UGT1A4: variants seen among roughly 807,000 people sequenced by gnomAD.
UGT1A4 encodes the protein UDP glucuronosyltransferase family 1 member A4, also known as UDP-glucuronosyltransferase 1A4.
A neutral mutation model predicts 41.1 loss-of-function variants in UGT1A4; 32 were observed. That is an observed-to-expected ratio of 0.78 (90% CI 0.59 to 1.05). UGT1A4 has a LOEUF of 1.05. UGT1A4 is among the 50% of genes least tolerant of loss of function. The pLI is 0.00. For missense variants in UGT1A4, 748 were observed against 677.4 expected (o/e 1.10, Z -1.16); for synonymous variants, 283 against 265.1 (o/e 1.07, Z -0.66).
At chr2:233,729,020 A>G in intron 1 of UGT1A4, 2 of 1,593,488 alleles carry the variant, frequency 1.3e-6, no homozygotes, top group Non-Finnish European at 8.6e-7. Flanking sequence ...TTCCAATTAC[A>G]CGTTGATTTG....
intron 1 of UGT1A4, chr2:233,760,113 A>G: frequency 2.4e-6 from 3 of 1,233,108 alleles, no homozygotes; most frequent in Non-Finnish European, 3.3e-6. Flanking sequence ...TAAGAAACCT[A>G]ATAAAGCTCC....
At chr2:233,739,473 G>A (rs1691116225) in intron 1 of UGT1A4, among the ~76,000 whole-genome samples, 1 of 152,214 alleles carries the variant, frequency 6.6e-6, no homozygotes, top group African/African-American at 2.4e-5. Flanking sequence ...CTGAGACCGT[G>A]GGAGCCCATT....
intron 1 of UGT1A4, among the ~76,000 whole-genome samples, chr2:233,757,319 C>T (rs999230342): frequency 1.7e-4 from 25 of 147,060 alleles, no homozygotes; most frequent in Non-Finnish European, 3.3e-4. Flanking sequence ...GGGGCTGGGG[C>T]CCTGAAATGG....
chr2:233,763,862 C>T (rs755965727), intron 1 of UGT1A4, among the ~76,000 whole-genome samples: 8 of 152,072 alleles, frequency 5.3e-5, no homozygotes, highest in South Asian at 2.1e-4. Context: ...CACAGACAAT[C>T]GCAATGCTGG....
At position 233,767,074 on chromosome 2, in the gene UGT1A4, T is replaced by C. The variant is rs747099261; in HGVS notation, c.908T>C (p.Ile303Thr). Residue 303 changes from isoleucine to threonine, a missense_variant, in exon 2 of 5, where the codon ATT becomes ACT. Transcript: ENST00000373409. The part of the protein sequence containing the change: ...AYINASGEHG[I>T]VVFSLGSMVS... ...ATTAATGCTTCTGGAGAACATGGAA[T>C]TGTGGTTTTCTCTTTGGGATCAATG... is the stretch of plus-strand genomic sequence containing the variant. 2.5e-6 allele frequency: 4 copies of C among 1,614,130 alleles called. No individual in the cohort carries two copies. The highest frequency in any genetic ancestry group is 1.1e-5 in the South Asian group (1 of 91,076).
chr2:233,770,570 A>G (rs1700111359), intron 4 of UGT1A4: 2 of 152,086 alleles, frequency 1.3e-5, no homozygotes. Context: ...AGGCAGGAAA[A>G]TCACTTGAAC....
intron 1 of UGT1A4, among the ~76,000 whole-genome samples, chr2:233,741,313 C>T (rs1377772642): frequency 1.3e-5 from 2 of 151,788 alleles, no homozygotes; most frequent in African/African-American, 4.9e-5. Flanking sequence ...TACACACCAA[C>T]TCATTCTACT....
intron 1 of UGT1A4, chr2:233,729,580 G>T (rs1173823141): frequency 2.5e-6 from 4 of 1,613,992 alleles, no homozygotes; most frequent in Non-Finnish European, 3.4e-6. Flanking sequence ...GGTTTTAACA[G>T]ACCCCGTTAA....
chr2:233,724,419 C>T (rs1157534469), intron 1 of UGT1A4, among the ~76,000 whole-genome samples: 13 of 129,206 alleles, frequency 1.0e-4, no homozygotes, highest in South Asian at 3.0e-4. Flanking sequence ...GGCTGCCGGG[C>T]GGAGAGGCTC....
At chr2:233,758,569 A>C (rs1696913404) in intron 1 of UGT1A4, among the ~76,000 whole-genome samples, 2 of 152,222 alleles carry the variant, frequency 1.3e-5, no homozygotes, top group Non-Finnish European at 2.9e-5. Context: ...TGGTCCTAAA[A>C]AATGAAGAGT....
chr2:233,737,111 A>G (rs1182220663), intron 1 of UGT1A4, among the ~76,000 whole-genome samples: 1 of 152,120 alleles, frequency 6.6e-6, no homozygotes. Context: ...TGTTCCCCAC[A>G]TGTTCAGAAG....
chr2:233,739,050 C>G (rs958760691), intron 1 of UGT1A4: 3 of 152,246 alleles, frequency 2.0e-5, no homozygotes, highest in African/African-American at 7.2e-5. Flanking sequence ...AGAGCTCAGG[C>G]CATTGCTTCA....
chr2:233,772,094 C>G (rs995748491), intron 4 of UGT1A4, among the ~76,000 whole-genome samples, 168 bp from the exon 5 acceptor site: 7 of 152,164 alleles, frequency 4.6e-5, no homozygotes, highest in Admixed American at 3.9e-4. Context: ...GCCCGGGCAA[C>G]AGGGCAAGAC....
At chr2:233,736,248 A>G (rs2078745941) in intron 1 of UGT1A4, among the ~76,000 whole-genome samples, 1 of 151,866 alleles carries the variant, frequency 6.6e-6, no homozygotes, top group Non-Finnish European at 1.5e-5. Context: ...TTCTCACTTT[A>G]TTTCATTAAT....
At chr2:233,747,700 A>T (rs538337941) in intron 1 of UGT1A4, 1 of 1,612,078 alleles carries the variant, frequency 6.2e-7, no homozygotes, top group African/African-American at 1.3e-5. Context: ...GTGCTGGCTA[A>T]GTACCTATCA....
In UGT1A4 at chr2:233,743,994, T is replaced by C. The variant is rs60469444; in HGVS notation, c.868-23040T>C. 7.2e-6 allele frequency: 9 copies of C among 1,253,056 alleles called. No individual in the cohort carries two copies. The East Asian group carries it at 2.0e-4, about 28-fold the overall frequency. 77.6% of individuals were successfully genotyped at this position (1,253,056 alleles called of 1,614,324 possible). On this transcript the variant is annotated intron_variant, in intron 1 of 4. Coordinates refer to ENST00000373409, the MANE Select transcript of UGT1A4 (RefSeq NM_007120.3). The stretch of plus-strand genomic sequence containing the variant: ...GCCAGCACCCAGGCGCAGGCCCGAG[T>C]GCTCGGAGACCTGGGCCGCCTGGAG...
In UGT1A4 at chr2:233,754,557, G is replaced by A. The variant is rs1055714391; in HGVS notation, c.868-12477G>A. 5.9e-5 allele frequency: 23 copies of A among 390,464 alleles called. No individual in the cohort carries two copies. The Admixed American group carries it at 7.3e-4, about 12-fold the overall frequency. The allele number at this position is 390,464 out of a possible 1,614,324, so 24.2% of individuals were successfully genotyped here. A position where few individuals can be genotyped will look rare whatever the true frequency, so the allele number is the denominator to read the frequency against. On this transcript the variant is annotated intron_variant, in intron 1 of 4. Coordinates refer to ENST00000373409, the MANE Select transcript of UGT1A4 (RefSeq NM_007120.3). ...TGGACTGGAATTACTTGGTGTCAAT[G>A]GGGAGCAACTGCTCTATGCCGTTTA...
intron 1 of UGT1A4, chr2:233,755,932 G>T (rs1268785135): frequency 7.6e-6 from 1 of 131,750 alleles, no homozygotes; most frequent in African/African-American, 3.0e-5. Context: ...TCGTTTTACA[G>T]TTTTTGCATC....
chr2:233,748,180 G>T (rs1460619178), intron 1 of UGT1A4: 22 of 1,578,250 alleles, frequency 1.4e-5, no homozygotes, highest in Non-Finnish European at 1.9e-5. Flanking sequence ...TCTTTCTGGT[G>T]CTTTTATTTC....
Sources: gnomAD v4.1 joint callset for allele counts (sites outside exome capture counted in the v4.1 genomes callset) on GRCh38, gnomAD v4.1.1 for gene constraint, MANE v1.5 for transcripts, NCBI Gene and HGNC (gene_info 2026-07-23, HGNC 2026-07-21) for gene names.